The following PLEKHG1 variants were observed in gnomAD, a reference collection of about 807,000 sequenced individuals.
The protein encoded by PLEKHG1 is pleckstrin homology domain-containing family G member 1.
In PLEKHG1, 44 loss-of-function variants were observed where a neutral mutation model predicts 100.8. The observed-to-expected ratio is 0.44, with a 90% CI of 0.34 to 0.56. PLEKHG1 has a LOEUF of 0.56. PLEKHG1 is among the 20% of genes least tolerant of loss of function. The pLI, the probability that PLEKHG1 is intolerant of heterozygous loss-of-function variation, is 0.01. For synonymous variants in PLEKHG1, 640 were observed against 662.5 expected (o/e 0.97, Z 0.52); for missense variants, 1,545 against 1,720.9 (o/e 0.90, Z 1.81).
At chr6:150,795,051 A>G (rs1786234997) in intron 4 of PLEKHG1, among the ~76,000 whole-genome samples, 1 of 152,138 alleles carries the variant, frequency 6.6e-6, no homozygotes, top group Non-Finnish European at 1.5e-5. Flanking sequence ...AAAAAATTGG[A>G]GAATGTGAAA....
intron 5 of PLEKHG1, among the ~76,000 whole-genome samples, chr6:150,799,980 TG>T (rs1220345491): frequency 6.6e-6 from 1 of 152,242 alleles, no homozygotes; most frequent in Non-Finnish European, 1.5e-5. Context: ...TTTTCGTCTG[TG>T]CTCATCACCT....
At chr6:150,712,821 C>G (rs1477864809) in intron 3 of PLEKHG1, among the ~76,000 whole-genome samples, 2 of 152,214 alleles carry the variant, frequency 1.3e-5, no homozygotes, top group African/African-American at 4.8e-5. Flanking sequence ...GAAAGTGAAC[C>G]ATAAGTGAAG....
chr6:150,735,295 G>C (rs920232137), intron 2 of PLEKHG1, among the ~76,000 whole-genome samples: 1 of 152,072 alleles, frequency 6.6e-6, no homozygotes, highest in Non-Finnish European at 1.5e-5. Context: ...CTCAAGGGCA[G>C]ATTTATATAT....
intron 4 of PLEKHG1, among the ~76,000 whole-genome samples, chr6:150,788,943 G>T (rs1189787310): frequency 4.6e-5 from 7 of 152,132 alleles, no homozygotes; most frequent in Non-Finnish European, 8.8e-5. Flanking sequence ...TTATCCTCAA[G>T]GAAGTGTGGA....
chr6:150,670,163 C>T (rs568349877), intron 3 of PLEKHG1, among the ~76,000 whole-genome samples: 63 of 152,256 alleles, frequency 4.1e-4, no homozygotes, highest in African/African-American at 1.4e-3. Flanking sequence ...AGTATTTTCA[C>T]ATATGTTTAT....
At chr6:150,820,495 GC>G (rs1388264790) in intron 12 of PLEKHG1, among the ~76,000 whole-genome samples, 1 of 152,130 alleles carries the variant, frequency 6.6e-6, no homozygotes, top group Admixed American at 6.6e-5. Flanking sequence ...TTTATGCTTT[GC>G]TAAGGACTAG....
At chr6:150,828,353 T>G in intron 14 of PLEKHG1, 1 of 1,610,862 alleles carries the variant, frequency 6.2e-7, no homozygotes, top group Non-Finnish European at 8.5e-7. Flanking sequence ...TCTGTCCTCA[T>G]GAAGAGGGAC....
At chr6:150,780,429 C>T (rs899103371) in intron 3 of PLEKHG1, among the ~76,000 whole-genome samples, 1 of 152,170 alleles carries the variant, frequency 6.6e-6, no homozygotes, top group East Asian at 1.9e-4. Flanking sequence ...GCTTTCATTT[C>T]CTCAGACCTT....
chr6:150,636,307 G>C (rs748438239), intron 1 of PLEKHG1, among the ~76,000 whole-genome samples: 1 of 151,968 alleles, frequency 6.6e-6, no homozygotes, highest in African/African-American at 2.4e-5. Flanking sequence ...AAAAAAGCTA[G>C]TGTAACACAT....
At chr6:150,769,148 TATTA>T (rs981717551) in intron 3 of PLEKHG1, among the ~76,000 whole-genome samples, 1 of 152,202 alleles carries the variant, frequency 6.6e-6, no homozygotes, top group Non-Finnish European at 1.5e-5. Context: ...AGTCATAACA[TATTA>T]ATTCAATTGA....
Position 150,773,922 on chromosome 6 carries a change from T to A in PLEKHG1, c.512+5184T>A, listed in dbSNP as rs185903608. Among the ~76,000 whole-genome samples the A allele has an allele frequency of 9.8e-5, 15 of 152,354 alleles. No homozygotes were observed. In the East Asian group the frequency reaches 2.9e-3, roughly 29 times the overall value. On this transcript the variant is annotated intron_variant, in intron 3 of 15. Transcript: ENST00000358517. ...TAACTTTTATGTTTTTTTAAATACA[T>A]GTAACTTTTAAAACTTTATTCCTAG... is the stretch of plus-strand genomic sequence containing the variant.
intron 3 of PLEKHG1, among the ~76,000 whole-genome samples, chr6:150,655,604 A>T (rs1488731000): frequency 6.9e-6 from 1 of 144,684 alleles, no homozygotes; most frequent in African/African-American, 2.6e-5. Context: ...GCTACTCGGG[A>T]GGCTGAGGCA....
chr6:150,790,581 C>G (rs1035532859), intron 4 of PLEKHG1, among the ~76,000 whole-genome samples: 13 of 152,142 alleles, frequency 8.5e-5, no homozygotes, highest in Non-Finnish European at 1.9e-4. Flanking sequence ...ATACACTTAA[C>G]AGAAATTCAT....
chr6:150,730,556 T>C (rs1357812614), intron 1 of PLEKHG1, among the ~76,000 whole-genome samples: 1 of 152,172 alleles, frequency 6.6e-6, no homozygotes, highest in African/African-American at 2.4e-5. Flanking sequence ...CTTCCTGCTG[T>C]GCTGCTTGGT....
chr6:150,644,281 TA>T (rs1394729218), intron 2 of PLEKHG1, among the ~76,000 whole-genome samples: 2 of 150,512 alleles, frequency 1.3e-5, no homozygotes, highest in South Asian at 2.1e-4. Flanking sequence ...ATAAAGTCAA[TA>T]AACATTTGAC....
At chr6:150,730,230 G>A (rs1456369497) in intron 1 of PLEKHG1, among the ~76,000 whole-genome samples, 2 of 151,672 alleles carry the variant, frequency 1.3e-5, no homozygotes, top group Non-Finnish European at 2.9e-5. Flanking sequence ...AGATCTGTAG[G>A]GGGTAGACCT....
chr6:150,798,503 G>T (rs1786492435), intron 5 of PLEKHG1, among the ~76,000 whole-genome samples: 1 of 152,134 alleles, frequency 6.6e-6, no homozygotes, highest in Non-Finnish European at 1.5e-5. Context: ...AATCATTTGT[G>T]CAAGGACATT....
chr6:150,699,130 T>C (rs1780665595), intron 3 of PLEKHG1, among the ~76,000 whole-genome samples: 1 of 152,258 alleles, frequency 6.6e-6, no homozygotes, highest in South Asian at 2.1e-4. Context: ...GTTATTATAC[T>C]ACAGGTATGC....
chr6:150,813,130 C>T (rs1370334873), intron 10 of PLEKHG1, among the ~76,000 whole-genome samples: 2 of 151,884 alleles, frequency 1.3e-5, no homozygotes, highest in South Asian at 2.1e-4. Flanking sequence ...ACGGTGAAAC[C>T]CCATCTCTAC....
Sources: allele counts gnomAD v4.1 joint callset (sites outside exome capture counted in the v4.1 genomes callset), GRCh38; gene constraint gnomAD v4.1.1; transcripts MANE v1.5; gene names NCBI Gene and HGNC (gene_info 2026-07-23, HGNC 2026-07-21).